NLRP3: variants seen among roughly 807,000 people sequenced by gnomAD.
NLRP3 encodes the protein NACHT, LRR and PYD domains-containing protein 3.
In NLRP3, 48 loss-of-function variants were observed where a neutral mutation model predicts 91.3. That is an observed-to-expected ratio of 0.53 (90% confidence interval 0.42 to 0.67). The LOEUF is 0.67. Among genes scored for constraint, NLRP3 ranks in the 30% least tolerant of loss-of-function variants. The pLI, the probability that NLRP3 is intolerant of heterozygous loss-of-function variation, is 0.00. For missense variants in NLRP3, 982 were observed against 1,276.9 expected, an observed-to-expected ratio of 0.77 and a Z score of 3.52; for synonymous variants, 561 against 507.9, an observed-to-expected ratio of 1.10 and a Z score of -1.41.
At chr1:247,431,492 C>T (rs1663323557) in intron 5 of NLRP3, among the ~76,000 whole-genome samples, 2 of 152,306 alleles carry the variant, frequency 1.3e-5, no homozygotes, top group African/African-American at 4.8e-5. Flanking sequence ...CCCACCAGCC[C>T]AGGTCCAGCA....
chr1:247,420,915 C>T (rs576921263), intron 2 of NLRP3, among the ~76,000 whole-genome samples: 2 of 152,152 alleles, frequency 1.3e-5, no homozygotes, highest in African/African-American at 4.8e-5. Context: ...AGACCTGCCT[C>T]CAATTCTCCA....
rs1663191390 is a variant in NLRP3 at position 247,430,005 on chromosome 1, G to A, written c.2321+250G>A. Reference sequence around the variant, plus strand: ...TTCTCCTGCCTCAGCCTCCTGAGTAGCTGGGATTACAGGCACCCACCACCA... The same window carrying A: ...TTCTCCTGCCTCAGCCTCCTGAGTAACTGGGATTACAGGCACCCACCACCA... On this transcript the variant is annotated intron_variant, in intron 5 of 9. Transcript: ENST00000336119. Among the ~76,000 whole-genome samples, 4 of 151,996 alleles carry A rather than the reference G, an allele frequency of 2.6e-5. No homozygotes were observed. In the South Asian group the frequency reaches 8.3e-4, roughly 32 times the overall value.
intron 7 of NLRP3, among the ~76,000 whole-genome samples, chr1:247,436,553 C>T (rs955226007): frequency 1.1e-4 from 17 of 152,190 alleles, no homozygotes; most frequent in Non-Finnish European, 8.8e-5. Context: ...GGAGAGGACT[C>T]TTACACTGCA....
chr1:247,434,290 C>A lies in NLRP3; in HGVS notation c.2492+17C>A. 6.2e-7 allele frequency: 1 copy of A among 1,613,894 alleles called. No individual in the cohort carries two copies. The highest frequency in any genetic ancestry group is 8.5e-7 in the Non-Finnish European group (1 of 1,179,874). ...GAAGCTCTGGTGAGTCGAGCCCGTTCCCCTAAGGAAGTTCTGCCAGCGAGG... is the reference window on the plus strand; with the variant it reads ...GAAGCTCTGGTGAGTCGAGCCCGTTACCCTAAGGAAGTTCTGCCAGCGAGG... On this transcript the variant is annotated intron_variant, in intron 6 of 9. Coordinates refer to ENST00000336119, the MANE Select transcript of NLRP3 (RefSeq NM_001243133.2).
At position 247,418,448 on chromosome 1, in the gene NLRP3, C is replaced by T; in HGVS notation, c.-353C>T. The T allele has an allele frequency of 3.0e-6, 1 of 334,000 alleles. No homozygotes were observed. The highest frequency in any genetic ancestry group is 4.4e-5 in the Admixed American group (1 of 22,756). 20.7% of individuals were successfully genotyped at this position (334,000 alleles called of 1,614,324 possible). On this transcript the variant is annotated 5_prime_UTR_variant, in exon 2 of 10. Coordinates refer to ENST00000336119, the MANE Select transcript of NLRP3 (RefSeq NM_001243133.2). The stretch of plus-strand genomic sequence containing the variant: ...TCCTGAGTAGCTGGGATTACAGGCG[C>T]CCGCCACCACACCCGGCTCATTTTT...
At chr1:247,421,939 G>C (rs1023175731) in intron 2 of NLRP3, among the ~76,000 whole-genome samples, 1 of 152,084 alleles carries the variant, frequency 6.6e-6, no homozygotes. Context: ...TTCCAGGCTG[G>C]AGTGAGCTAT....
chr1:247,419,139 C>A, intron 2 of NLRP3, 62 bp downstream of exon 2: 1 of 1,306,204 alleles, frequency 7.7e-7, no homozygotes, highest in Non-Finnish European at 1.0e-6. Context: ...TACAATTTTC[C>A]ATCTTTATAT....
rs77719569 is a variant in NLRP3 at position 247,434,037 on chromosome 1, C to T, written c.2322-66C>T. The T allele has an allele frequency of 0.012, 8,629 of 741,882 alleles. 1,395 individuals are homozygous for T. Among genetic ancestry groups the T allele is most frequent in the Admixed American group, 0.041 (1,308 of 32,226 alleles). 46.0% of individuals were successfully genotyped at this position (741,882 alleles called of 1,614,324 possible). On this transcript the variant is annotated intron_variant, in intron 5 of 9. Transcript: ENST00000336119. ...CCTGATCAGGTGTGTCCTGATGCTT[C>T]CTCTGTTCTGGAGCTCTCTGGTCAG...
chr1:247,423,309 G>C lies in NLRP3; in HGVS notation c.357G>C (p.Leu119=), dbSNP rs368050806. ...DSIEEEWMGL[L]EYLSRISICK... ...TTGAAGAGGAGTGGATGGGTTTACT[G>C]GAGTACCTTTCGAGAATCTCTATTT... Residue 119 remains leucine (L), a synonymous_variant, in exon 3 of 10, where the codon CTG becomes CTC. Transcript: ENST00000336119. The C allele has an allele frequency of 6.2e-7, 1 of 1,614,020 alleles. No individual in the cohort carries two copies. The highest frequency in any genetic ancestry group is 8.5e-7 in the Non-Finnish European group (1 of 1,179,946).
At chr1:247,437,563 TTTGAC>T (rs1663883340) in intron 7 of NLRP3, among the ~76,000 whole-genome samples, 1 of 152,230 alleles carries the variant, frequency 6.6e-6, no homozygotes, top group Admixed American at 6.5e-5. Context: ...TCCTTGGCAA[TTTGAC>T]TTCTGCTTCT....
At chr1:247,437,268 A>G (rs1038562795) in intron 7 of NLRP3, among the ~76,000 whole-genome samples, 1 of 152,252 alleles carries the variant, frequency 6.6e-6, no homozygotes, top group Non-Finnish European at 1.5e-5. Context: ...TACAATAAGC[A>G]AATTGGATAG....
rs1365819137 is a variant in NLRP3, at chr1:247,419,160, A to ATTTT, written c.277+84_277+85insTTTT. On this transcript the variant is annotated intron_variant, in intron 2 of 9. Coordinates refer to ENST00000336119, the MANE Select transcript of NLRP3 (RefSeq NM_001243133.2). ...TTTCCATCTTTATATATATATATATATATATTTTTTTTTGAGACGGAGTTG... is the reference window on the plus strand; with the variant it reads ...TTTCCATCTTTATATATATATATATATTTTTATATTTTTTTTTGAGACGGAGTTG... 653 of 355,048 alleles carry ATTTT rather than the reference A, an allele frequency of 1.8e-3. 4 individuals carry two copies. In the East Asian group the frequency reaches 0.045, roughly 25 times the overall value. 22.0% of individuals were successfully genotyped at this position (355,048 alleles called of 1,614,324 possible).
chr1:247,424,174 C>A lies in NLRP3; in HGVS notation c.725C>A (p.Ala242Glu), dbSNP rs1041601343. Reference sequence around the variant, plus strand: ...GCCAGGAAGATGATGTTGGACTGGGCGTCGGGGACACTCTACCAAGACAGG... The same window carrying A: ...GCCAGGAAGATGATGTTGGACTGGGAGTCGGGGACACTCTACCAAGACAGG... Reference protein sequence around the residue: ...ILARKMMLDWASGTLYQDRFD... With the variant: ...ILARKMMLDWESGTLYQDRFD... The change falls in exon 4 of 10, where the codon GCG becomes GAG. Residue 242 changes from alanine to glutamate, a missense_variant. This residue lies in a region of NLRP3 where 548 missense variants were observed against 713.7 expected (regional missense o/e 0.77). Transcript: ENST00000336119. This position sits in a 1 kb window ranked among gnomAD's most constrained non-coding sequence, Gnocchi z 8.1. 4 of 1,613,890 alleles carry A rather than the reference C, an allele frequency of 2.5e-6. No homozygotes were observed. Among genetic ancestry groups the A allele is most frequent in the Non-Finnish European group, 3.4e-6 (4 of 1,179,986 alleles).
intron 7 of NLRP3, among the ~76,000 whole-genome samples, chr1:247,439,562 T>G (rs944478254): frequency 6.6e-6 from 1 of 152,306 alleles, no homozygotes; most frequent in African/African-American, 2.4e-5. Flanking sequence ...CATGTTAGAT[T>G]TGTAACGACC....
At position 247,444,631 on chromosome 1, in the gene NLRP3, A is replaced by T; in HGVS notation, c.2835-20A>T. The T allele has an allele frequency of 1.9e-6, 3 of 1,613,588 alleles. No individual in the cohort carries two copies. The highest frequency in any genetic ancestry group is 1.7e-6 in the Non-Finnish European group (2 of 1,179,810). ...GGATGGTTAAGGGGACATTTTCTTTAAATCACCCCCTTTTTGCAGATTAGA... is the reference window on the plus strand; with the variant it reads ...GGATGGTTAAGGGGACATTTTCTTTTAATCACCCCCTTTTTGCAGATTAGA... On this transcript the variant is annotated intron_variant, in intron 8 of 9. Transcript: ENST00000336119.
chr1:247,443,872 G>A, intron 7 of NLRP3, 100 bp from the exon 8 acceptor site: 2 of 1,139,566 alleles, frequency 1.8e-6, no homozygotes, highest in East Asian at 4.9e-5. Flanking sequence ...TGAGCTGAAG[G>A]CTGCAGCTGC....
intron 4 of NLRP3, among the ~76,000 whole-genome samples, chr1:247,428,736 C>T (rs1663089704): frequency 6.6e-6 from 1 of 152,104 alleles, no homozygotes. Context: ...AAGAGGATTG[C>T]TTGAGCCCAG....
chr1:247,444,398 T>C (rs1431985118), intron 8 of NLRP3, among the ~76,000 whole-genome samples: 1 of 152,170 alleles, frequency 6.6e-6, no homozygotes, highest in African/African-American at 2.4e-5. Flanking sequence ...TATGGAAATG[T>C]AGGGAAAGGC....
At position 247,435,985 on chromosome 1, in the gene NLRP3, C is replaced by T; in HGVS notation, c.2508C>T (p.Cys836=). The change falls in exon 7 of 10, where the codon TGC becomes TGT. Residue 836 remains cysteine (C), a synonymous_variant. Coordinates refer to ENST00000336119, the MANE Select transcript of NLRP3 (RefSeq NM_001243133.2). ...NLKKLWLVSC[C]LTSACCQDLA... is the part of the protein sequence containing the mutation. Reference sequence around the variant, plus strand: ...TCTATGGAAGGTTGGTCAGCTGCTGCCTCACATCAGCATGTTGTCAGGATC... The same window carrying T: ...TCTATGGAAGGTTGGTCAGCTGCTGTCTCACATCAGCATGTTGTCAGGATC... 2 of 1,613,978 alleles carry T rather than the reference C, an allele frequency of 1.2e-6. No homozygotes were observed. Among genetic ancestry groups the T allele is most frequent in the Middle Eastern group, 3.3e-4 (2 of 5,984 alleles).
Sources: gnomAD v4.1 joint callset for allele counts (sites outside exome capture counted in the v4.1 genomes callset) on GRCh38, gnomAD v4.1.1 for gene constraint, gnomAD v4.1.1 regional missense constraint, Gnocchi (gnomAD v3.1) non-coding constraint, MANE v1.5 for transcripts, NCBI Gene and HGNC (gene_info 2026-07-23, HGNC 2026-07-21) for gene names.